Variants in TSPAN14 observed in about 807,000 individuals in gnomAD.
The protein encoded by TSPAN14 is tetraspanin 14.
In TSPAN14, 16 loss-of-function variants were observed where a neutral mutation model predicts 36.6. The ratio of observed to expected loss-of-function variants is 0.44; its 90% CI spans 0.30 to 0.66. TSPAN14 has a LOEUF of 0.66. Among genes scored for constraint, TSPAN14 ranks in the 30% least tolerant of loss-of-function variants. The pLI, the probability that TSPAN14 is intolerant of heterozygous loss-of-function variation, is 0.12. For missense variants in TSPAN14, 231 were observed against 355.1 expected, an observed-to-expected ratio of 0.65 and a Z score of 2.81; for synonymous variants, 139 against 143.8, an observed-to-expected ratio of 0.97 and a Z score of 0.24.
chr10:80,470,570 A>T (rs1301239139), intron 1 of TSPAN14, among the ~76,000 whole-genome samples: 1 of 152,228 alleles, frequency 6.6e-6, no homozygotes, highest in Non-Finnish European at 1.5e-5. Flanking sequence ...ATAATTCTAA[A>T]CTCTCTTATG....
At position 80,508,684 on chromosome 10, in the gene TSPAN14, G is replaced by T. The variant is rs574039461; in HGVS notation, c.280-617G>T. 3.0e-4 allele frequency among the ~76,000 whole-genome samples: 45 copies of T among 152,268 alleles called. 1 individual carries two copies. In the Middle Eastern group the frequency reaches 0.01, roughly 35 times the overall value. Reference sequence around the variant, plus strand: ...TGCAGAGTTGGTACAGATAACATTGGCACTTCCAGAATTGTAAAGAGCCCT... The same window carrying T: ...TGCAGAGTTGGTACAGATAACATTGTCACTTCCAGAATTGTAAAGAGCCCT... On this transcript the variant is annotated intron_variant, in intron 4 of 8. Transcript: ENST00000429989.
chr10:80,487,794 C>G (rs934669240), intron 1 of TSPAN14, among the ~76,000 whole-genome samples: 3 of 152,046 alleles, frequency 2.0e-5, no homozygotes, highest in Non-Finnish European at 4.4e-5. Flanking sequence ...TGTCATTCTC[C>G]CCAGCTGGTT....
chr10:80,491,613 G>A (rs966344491), intron 2 of TSPAN14, among the ~76,000 whole-genome samples: 6 of 152,150 alleles, frequency 3.9e-5, no homozygotes, highest in African/African-American at 1.4e-4. Context: ...TTGACATCAG[G>A]GAGCTCTACT....
At chr10:80,457,776 C>G (rs1328491782) in intron 1 of TSPAN14, among the ~76,000 whole-genome samples, 3 of 152,238 alleles carry the variant, frequency 2.0e-5, no homozygotes, top group South Asian at 2.1e-4. Flanking sequence ...CTGCTTGTGT[C>G]TGTCTGGACA....
At chr10:80,501,119 T>G (rs866631743) in intron 2 of TSPAN14, among the ~76,000 whole-genome samples, 2 of 133,498 alleles carry the variant, frequency 1.5e-5, no homozygotes, top group South Asian at 4.9e-4. Flanking sequence ...TTTTTTTTTT[T>G]CTTTTTTTTT....
intron 1 of TSPAN14, among the ~76,000 whole-genome samples, chr10:80,477,425 C>T (rs1458810475): frequency 1.3e-5 from 2 of 152,186 alleles, no homozygotes; most frequent in Non-Finnish European, 2.9e-5. Context: ...ATTTTGCTTT[C>T]TCCTAAACCC....
exon 9 of TSPAN14, chr10:80,520,516 C>A: frequency 2.2e-6 from 1 of 463,090 alleles, no homozygotes; most frequent in Admixed American, 2.3e-5. Context: ...GGCATTTGCA[C>A]CCTCTTCTCA....
chr10:80,477,325 T>C (rs963131083), intron 1 of TSPAN14, among the ~76,000 whole-genome samples: 7 of 152,228 alleles, frequency 4.6e-5, no homozygotes, highest in African/African-American at 1.7e-4. Context: ...TTTTTCACTT[T>C]GCTAAATAAA....
intron 6 of TSPAN14, among the ~76,000 whole-genome samples, chr10:80,513,087 G>A (rs1840746415): frequency 6.6e-6 from 1 of 152,082 alleles, no homozygotes; most frequent in Non-Finnish European, 1.5e-5. Flanking sequence ...TTGTAGAGAT[G>A]GGGTTTCACC....
chr10:80,505,921 C>G (rs1390796876), intron 3 of TSPAN14, among the ~76,000 whole-genome samples: 1 of 152,222 alleles, frequency 6.6e-6, no homozygotes, highest in Non-Finnish European at 1.5e-5. Context: ...CCAGGAAGCA[C>G]AAATTCCAAA....
At position 80,521,852 on chromosome 10, in the gene TSPAN14, A is replaced by T. The variant is rs575461779; in HGVS notation, c.*3876A>T. The T allele has an allele frequency of 3.6e-5, 5 of 139,196 alleles. 1 individual carries two copies. The highest frequency in any genetic ancestry group is 2.2e-4 in the Admixed American group (3 of 13,506). 8.6% of individuals were successfully genotyped at this position (139,196 alleles called of 1,614,324 possible). A position where few individuals can be genotyped will look rare whatever the true frequency, so the allele number is the denominator to read the frequency against. ...GGCAGGGGAATGGTGTGAACCCAGG[A>T]GGCGGAGCTTGCAGTGAGCCGAGAT... On this transcript the variant is annotated 3_prime_UTR_variant, in exon 9 of 9. Transcript: ENST00000429989.
chr10:80,456,696 G>A (rs1460596884), intron 1 of TSPAN14, among the ~76,000 whole-genome samples: 2 of 152,252 alleles, frequency 1.3e-5, no homozygotes, highest in African/African-American at 4.8e-5. Context: ...TTATTTCATA[G>A]TGATACTAAT....
chr10:80,520,880 G>A (rs1221598124), exon 9 of TSPAN14: 2 of 520,538 alleles, frequency 3.8e-6, no homozygotes, highest in Admixed American at 3.9e-5. Flanking sequence ...CAGAGGCCCA[G>A]GCTCGCCAGT....
chr10:80,494,991 C>A (rs1458405871), intron 2 of TSPAN14, among the ~76,000 whole-genome samples: 5 of 152,280 alleles, frequency 3.3e-5, no homozygotes, highest in Admixed American at 6.5e-5. Flanking sequence ...TCTTAAGATA[C>A]GCATTTTCAC....
intron 2 of TSPAN14, among the ~76,000 whole-genome samples, chr10:80,501,120 CT>C (rs1482141910): frequency 3.5e-4 from 41 of 117,288 alleles, no homozygotes; most frequent in South Asian, 2.1e-3. Context: ...TTTTTTTTTT[CT>C]TTTTTTTTGG....
At chr10:80,515,991 T>G in intron 7 of TSPAN14, 2 of 613,336 alleles carry the variant, frequency 3.3e-6, no homozygotes, top group Non-Finnish European at 2.7e-6. Flanking sequence ...CAGGGAGCCT[T>G]TGGTCAGACA....
At chr10:80,467,439 C>T (rs115997066) in intron 1 of TSPAN14, among the ~76,000 whole-genome samples, 244 of 152,260 alleles carry the variant, frequency 1.6e-3, no homozygotes, top group African/African-American at 5.8e-3. Flanking sequence ...TGAATTCGGG[C>T]TTACTGGGTG....
chr10:80,514,381 C>T (rs1156545762), intron 7 of TSPAN14, among the ~76,000 whole-genome samples: 2 of 152,140 alleles, frequency 1.3e-5, no homozygotes, highest in Non-Finnish European at 2.9e-5. Flanking sequence ...CTTGGCATCC[C>T]AGAAGACGTC....
chr10:80,503,352 C>T (rs570680290), intron 2 of TSPAN14, among the ~76,000 whole-genome samples: 5 of 152,246 alleles, frequency 3.3e-5, no homozygotes, highest in South Asian at 2.1e-4. Context: ...GTACTTGAGA[C>T]GGTATCTGGC....
Sources: gnomAD v4.1 joint callset for allele counts (sites outside exome capture counted in the v4.1 genomes callset) on GRCh38, gnomAD v4.1.1 for gene constraint, MANE v1.5 for transcripts, NCBI Gene and HGNC (gene_info 2026-07-23, HGNC 2026-07-21) for gene names.